RBM26: variants seen among roughly 807,000 people sequenced by gnomAD.
RBM26 encodes RNA-binding protein 26.
A neutral mutation model predicts 123.6 loss-of-function variants in RBM26; 30 were observed. The ratio of observed to expected loss-of-function variants is 0.24; its 90% CI spans 0.18 to 0.33. The LOEUF (loss-of-function observed/expected upper bound fraction) is 0.33, where lower values mean the gene tolerates loss of function less well. Ranked by LOEUF, RBM26 falls within the 10% of genes least tolerant of loss-of-function variation. The probability of loss-of-function intolerance (pLI) is 1.00; values close to 1 mark genes in which losing one functional copy is unlikely to be tolerated. For missense variants in RBM26, 947 were observed against 1,203.6 expected (o/e 0.79, Z 3.15); for synonymous variants, 400 against 404.4 (o/e 0.99, Z 0.13).
intron 14 of RBM26, among the ~76,000 whole-genome samples, chr13:79,351,970 G>C (rs537428338): frequency 5.1e-4 from 78 of 152,196 alleles, no homozygotes; most frequent in Non-Finnish European, 9.0e-4. Context: ...TGATTGTAAG[G>C]CTTTTGGATC....
chr13:79,364,121 A>G (rs1446034618), intron 9 of RBM26, among the ~76,000 whole-genome samples: 2 of 111,768 alleles, frequency 1.8e-5, no homozygotes, highest in East Asian at 4.3e-4. Flanking sequence ...CAAGCTGTTA[A>G]AAAAAATCTT....
At chr13:79,368,035 A>T (rs9601219) in intron 6 of RBM26, among the ~76,000 whole-genome samples, 148,493 of 150,790 alleles carry the variant, frequency 0.98, 73,160 homozygotes, top group East Asian at 1. Context: ...TTTTATTTTT[A>T]TTTTTTTTGA....
At chr13:79,341,967 T>A (rs2071449026) in intron 17 of RBM26, among the ~76,000 whole-genome samples, 1 of 151,882 alleles carries the variant, frequency 6.6e-6, no homozygotes, top group East Asian at 1.9e-4. Flanking sequence ...CATTTGAATT[T>A]TATATTTAGT....
At chr13:79,375,675 AGATAAAACTGATTGG>A (rs2076614009) in intron 3 of RBM26, among the ~76,000 whole-genome samples, 1 of 152,166 alleles carries the variant, frequency 6.6e-6, no homozygotes, top group Non-Finnish European at 1.5e-5. Context: ...CTTCCCAGGC[AGATAAAACTGATTGG>A]GATGTTACAT....
rs552180902 is a variant in RBM26, at chr13:79,380,487, G to A, written c.72-1580C>T. Among the ~76,000 whole-genome samples, 10 of 131,386 alleles carry A rather than the reference G, an allele frequency of 7.6e-5. No individual in the cohort carries two copies. In the South Asian group the frequency reaches 2.2e-3, roughly 29 times the overall value. The allele number at this position is 131,386 out of a possible 152,430, so 86.2% of individuals were successfully genotyped here. On this transcript the variant is annotated intron_variant, in intron 1 of 21. Transcript: ENST00000438737. ...GTAAAGGAGGGACAGGGTAAGAAGG[G>A]AAAGTTTTTAAAAAAAAAAAACCAC...
At chr13:79,321,129 T>C (rs2067628913) in intron 21 of RBM26, among the ~76,000 whole-genome samples, 1 of 151,446 alleles carries the variant, frequency 6.6e-6, no homozygotes. Flanking sequence ...TTTATATTTA[T>C]TTTCTGCTGT....
intron 3 of RBM26, chr13:79,377,159 C>T (rs1298840506): frequency 4.6e-6 from 2 of 436,636 alleles, no homozygotes; most frequent in Non-Finnish European, 8.3e-6. Context: ...GCCTCATACA[C>T]CTTTTCCATT....
chr13:79,401,217 A>G (rs1484725738), intron 1 of RBM26, among the ~76,000 whole-genome samples: 1 of 152,208 alleles, frequency 6.6e-6, no homozygotes, highest in African/African-American at 2.4e-5. Flanking sequence ...TAACAAGTAC[A>G]GGTGAAGGGG....
At chr13:79,372,349 A>G (rs534843424) in intron 3 of RBM26, among the ~76,000 whole-genome samples, 101 of 152,298 alleles carry the variant, frequency 6.6e-4, no homozygotes, top group African/African-American at 2.3e-3. Context: ...TAACATTAAC[A>G]TTTAATTAAC....
downstream of RBM26, chr13:79,318,742 C>T (rs2067376690): frequency 1.0e-6 from 1 of 958,128 alleles, no homozygotes; most frequent in Non-Finnish European, 1.2e-6. Context: ...CAGGCTAAAA[C>T]ATACTAATCA....
At chr13:79,345,745 C>G (rs2139237149) in intron 14 of RBM26, among the ~76,000 whole-genome samples, 1 of 152,214 alleles carries the variant, frequency 6.6e-6, no homozygotes, top group Middle Eastern at 3.4e-3. Flanking sequence ...GTGCTACAAA[C>G]AGTGCCAGGG....
intron 1 of RBM26, among the ~76,000 whole-genome samples, chr13:79,390,062 T>C (rs549362724): frequency 7.2e-5 from 11 of 152,156 alleles, no homozygotes; most frequent in African/African-American, 2.7e-4. Context: ...TTTACAGATA[T>C]ATGTTTACAA....
chr13:79,363,978 C>T (rs549172802), intron 9 of RBM26, among the ~76,000 whole-genome samples: 33 of 152,124 alleles, frequency 2.2e-4, no homozygotes, highest in Non-Finnish European at 4.1e-4. Flanking sequence ...AATAGTTATC[C>T]AAAGAAGAAA....
At chr13:79,393,642 T>C (rs1185012343) in intron 1 of RBM26, among the ~76,000 whole-genome samples, 1 of 152,170 alleles carries the variant, frequency 6.6e-6, no homozygotes, top group Admixed American at 6.5e-5. Flanking sequence ...CCATTCGCTG[T>C]CTGGCTTACT....
At chr13:79,405,630 G>GA in intron 1 of RBM26, 74 bp downstream of exon 1, 1 of 1,077,960 alleles carries the variant, frequency 9.3e-7, no homozygotes, top group African/African-American at 1.6e-5. Context: ...GGCACTTGGG[G>GA]AAACTGCACA....
intron 9 of RBM26, among the ~76,000 whole-genome samples, chr13:79,364,700 C>T (rs903426927): frequency 1.3e-5 from 2 of 151,990 alleles, no homozygotes; most frequent in African/African-American, 4.8e-5. Context: ...GTAGGGCACT[C>T]TAGATGTAGG....
intron 1 of RBM26, among the ~76,000 whole-genome samples, chr13:79,403,794 A>G (rs1316443416): frequency 6.6e-6 from 1 of 152,208 alleles, no homozygotes; most frequent in Admixed American, 6.5e-5. Context: ...TAGGACTTCC[A>G]TCTGCACAAC....
At chr13:79,347,310 G>A (rs943294313) in intron 14 of RBM26, among the ~76,000 whole-genome samples, 1 of 152,150 alleles carries the variant, frequency 6.6e-6, no homozygotes, top group Non-Finnish European at 1.5e-5. Flanking sequence ...AAAAAAGGCT[G>A]CCAATCATAA....
intron 20 of RBM26, among the ~76,000 whole-genome samples, chr13:79,324,232 G>A (rs1359032713): frequency 6.6e-6 from 1 of 151,732 alleles, no homozygotes; most frequent in African/African-American, 2.4e-5. Context: ...ATATAAATAT[G>A]TATGGTATGT....
Sources: gnomAD v4.1 joint callset for allele counts (sites outside exome capture counted in the v4.1 genomes callset) on GRCh38, gnomAD v4.1.1 for gene constraint, MANE v1.5 for transcripts, NCBI Gene and HGNC (gene_info 2026-07-23, HGNC 2026-07-21) for gene names.